Variants in GLCE observed in about 807,000 individuals in gnomAD.
GLCE encodes D-glucuronyl C5-epimerase.
In GLCE, 19 loss-of-function variants were observed where a neutral mutation model predicts 47.9. The observed-to-expected ratio is 0.40, with a 90% CI of 0.28 to 0.58. The LOEUF (loss-of-function observed/expected upper bound fraction) is 0.58. Ranked by LOEUF, GLCE falls within the 20% of genes least tolerant of loss-of-function variation. The probability of loss-of-function intolerance (pLI) is 0.48; values close to 1 mark genes in which losing one functional copy is unlikely to be tolerated. For missense variants in GLCE, 556 were observed against 743.3 expected (o/e 0.75, Z 2.93); for synonymous variants, 245 against 263.4 (o/e 0.93, Z 0.68).
intron 2 of GLCE, among the ~76,000 whole-genome samples, chr15:69,254,373 A>G (rs1187621369): frequency 2.0e-5 from 3 of 152,142 alleles, no homozygotes; most frequent in Admixed American, 6.6e-5. Context: ...ACAGCATCAC[A>G]TTTTCCTCCC....
chr15:69,169,047 A>G (rs1432746957), intron 1 of GLCE, among the ~76,000 whole-genome samples: 1 of 152,192 alleles, frequency 6.6e-6, no homozygotes, highest in Non-Finnish European at 1.5e-5. Context: ...TCTGATACCC[A>G]TCACTATAGA....
chr15:69,254,939 T>G (rs1438003574), intron 2 of GLCE, among the ~76,000 whole-genome samples: 1 of 152,008 alleles, frequency 6.6e-6, no homozygotes, highest in Non-Finnish European at 1.5e-5. Flanking sequence ...CTCTAACATT[T>G]AAGAATTAGG....
intron 1 of GLCE, among the ~76,000 whole-genome samples, chr15:69,175,453 T>C (rs1361781751): frequency 6.6e-6 from 1 of 152,202 alleles, no homozygotes; most frequent in African/African-American, 2.4e-5. Flanking sequence ...TGGACCTCAG[T>C]AGTGTACTTT....
intron 2 of GLCE, among the ~76,000 whole-genome samples, chr15:69,240,823 A>G (rs2052660670): frequency 6.6e-6 from 1 of 152,178 alleles, no homozygotes; most frequent in Non-Finnish European, 1.5e-5. Flanking sequence ...GATGATTGAC[A>G]TAAAGGATAG....
intron 3 of GLCE, among the ~76,000 whole-genome samples, chr15:69,258,068 A>T (rs1595787839): frequency 6.6e-6 from 1 of 151,304 alleles, no homozygotes; most frequent in East Asian, 1.9e-4. Context: ...TGTCATGGAG[A>T]TTTGTTTTAC....
intron 1 of GLCE, chr15:69,197,334 A>G (rs1214143367): frequency 3.9e-6 from 1 of 255,948 alleles, no homozygotes; most frequent in African/African-American, 2.2e-5. Context: ...AAGCTTTCCA[A>G]GAGTTTATCG....
At position 69,268,491 on chromosome 15, in the gene GLCE, A is replaced by T. The variant is rs941218961; in HGVS notation, c.1101A>T (p.Thr367=). The change falls in exon 5 of 5, where the codon ACA becomes ACT. Residue 367 remains threonine, a synonymous_variant. Coordinates refer to ENST00000261858, the MANE Select transcript of GLCE (RefSeq NM_015554.3). ...GGAAAGGAGTGGGTCTTTCAAACAC[A>T]AAAGCTGTCAAGCCAACCAAAATAA... is the stretch of plus-strand genomic sequence containing the variant. The part of the protein sequence containing the change: ...DLRKGVGLSN[T]KAVKPTKIMP... 18 of 1,614,204 alleles carry T rather than the reference A, an allele frequency of 1.1e-5. No homozygotes were observed. Among genetic ancestry groups the T allele is most frequent in the Non-Finnish European group, 1.5e-5 (18 of 1,180,030 alleles).
At chr15:69,254,787 C>T (rs1331721847) in intron 2 of GLCE, among the ~76,000 whole-genome samples, 2 of 152,174 alleles carry the variant, frequency 1.3e-5, no homozygotes, top group Non-Finnish European at 2.9e-5. Context: ...ATATACGTAT[C>T]TGCAGCTCTG....
Position 69,256,153 on chromosome 15 carries a change from C to T in GLCE, c.347C>T (p.Thr116Ile), listed in dbSNP as rs1324174864. 6.2e-7 allele frequency: 1 copy of T among 1,613,904 alleles called. No individual in the cohort carries two copies. ...EIDCLINDEH[T>I]IKGRREGNEV... ...GACTGTCTCATAAATGATGAACACA[C>T]AATTAAAGGGAGACGAGAGGGGAAC... Residue 116 changes from threonine (T) to isoleucine (I), a missense_variant, in exon 3 of 5, where the codon ACA becomes ATA. Coordinates refer to ENST00000261858, the MANE Select transcript of GLCE (RefSeq NM_015554.3).
intron 1 of GLCE, among the ~76,000 whole-genome samples, chr15:69,163,100 C>T (rs1416396588): frequency 6.6e-6 from 1 of 152,224 alleles, no homozygotes; most frequent in Non-Finnish European, 1.5e-5. Context: ...GCTATCACAA[C>T]TGATTGCTTG....
At chr15:69,267,342 A>G (rs1006090702) in intron 4 of GLCE, among the ~76,000 whole-genome samples, 1 of 152,194 alleles carries the variant, frequency 6.6e-6, no homozygotes, top group East Asian at 1.9e-4. Context: ...TCTATTTAAC[A>G]TGTGAAGAAA....
chr15:69,163,756 T>A (rs1460168567), intron 1 of GLCE, among the ~76,000 whole-genome samples: 3 of 152,202 alleles, frequency 2.0e-5, no homozygotes, highest in Non-Finnish European at 2.9e-5. Context: ...CAGACATTAC[T>A]TTTAAGTACA....
At chr15:69,182,034 ATTGC>A (rs1489310104) in intron 1 of GLCE, among the ~76,000 whole-genome samples, 1 of 151,998 alleles carries the variant, frequency 6.6e-6, no homozygotes, top group Non-Finnish European at 1.5e-5. Flanking sequence ...AAGTTCTTTT[ATTGC>A]TTCTAGTATT....
intron 1 of GLCE, chr15:69,197,183 C>A: frequency 4.8e-6 from 2 of 420,914 alleles, no homozygotes; most frequent in Non-Finnish European, 9.6e-6. Flanking sequence ...ACAACCAACG[C>A]TTCAAAAGTT....
chr15:69,268,439 T>C lies in GLCE; in HGVS notation c.1049T>C (p.Val350Ala). 1 of 1,614,126 alleles carries C rather than the reference T, an allele frequency of 6.2e-7. No homozygotes were observed. ...GGGCCCAGAACTTCATGGAGCACAG[T>C]TACCAGGGACCTGGTCACTGACCTC... Reference protein sequence around the residue: ...GIGPRTSWSTVTRDLVTDLRK... With the variant: ...GIGPRTSWSTATRDLVTDLRK... The change falls in exon 5 of 5, where the codon GTT becomes GCT. Residue 350 changes from valine (V) to alanine (A), a missense_variant. Coordinates refer to ENST00000261858, the MANE Select transcript of GLCE (RefSeq NM_015554.3).
In GLCE at chr15:69,256,305, C is replaced by T; in HGVS notation, c.499C>T (p.Pro167Ser). 6.2e-7 allele frequency: 1 copy of T among 1,613,930 alleles called. No individual in the cohort carries two copies. Among genetic ancestry groups the T allele is most frequent in the Non-Finnish European group, 8.5e-7 (1 of 1,179,926 alleles). The change falls in exon 3 of 5, where the codon CCC (proline) becomes TCC (serine). Residue 167 changes from proline (P) to serine (S), a missense_variant. Pro to Ser is a moderately conservative substitution (Grantham distance 74). This residue lies in a region of GLCE where 237 missense variants were observed against 310.9 expected (regional missense o/e 0.76). Transcript: ENST00000261858. ...TTCCAAAGTCTATGCACAGAGAGCC[C>T]CCTATCACCCCGATGGTGTGTTTAT... ...SYSKVYAQRA[P>S]YHPDGVFMSF...
chr15:69,205,829 C>CT (rs2052143961), intron 1 of GLCE, among the ~76,000 whole-genome samples: 1 of 151,990 alleles, frequency 6.6e-6, no homozygotes, highest in East Asian at 1.9e-4. Context: ...TAAAAACAAC[C>CT]TTTTTATTTT....
At chr15:69,164,108 GT>G (rs963691469) in intron 1 of GLCE, among the ~76,000 whole-genome samples, 3 of 150,656 alleles carry the variant, frequency 2.0e-5, no homozygotes, top group African/African-American at 7.3e-5. Context: ...GGAGAATAGG[GT>G]GGGGGAATAG....
chr15:69,250,373 A>T (rs971672585), intron 2 of GLCE, among the ~76,000 whole-genome samples: 8 of 151,908 alleles, frequency 5.3e-5, no homozygotes, highest in Admixed American at 5.2e-4. Flanking sequence ...TCCTCCTTCG[A>T]TCTCTCTTAC....
Sources: allele counts gnomAD v4.1 joint callset (sites outside exome capture counted in the v4.1 genomes callset), GRCh38; gene constraint gnomAD v4.1.1; regional missense constraint gnomAD v4.1.1; transcripts MANE v1.5; gene names NCBI Gene and HGNC (gene_info 2026-07-23, HGNC 2026-07-21).